Variants in SNAP47 observed in about 807,000 individuals in gnomAD.
SNAP47 encodes synaptosome associated protein 47.
A neutral mutation model predicts 31.4 loss-of-function variants in SNAP47; 20 were observed. The observed-to-expected ratio is 0.64, with a 90% CI of 0.45 to 0.93. The LOEUF (loss-of-function observed/expected upper bound fraction) is 0.93. Ranked by LOEUF, SNAP47 falls within the 40% of genes least tolerant of loss-of-function variation. The pLI is 0.00. For synonymous variants in SNAP47, 194 were observed against 213.4 expected (o/e 0.91, Z 0.79); for missense variants, 492 against 528.5 (o/e 0.93, Z 0.68).
intron 1 of SNAP47, 83 bp downstream of exon 1, chr1:227,735,582 C>G: frequency 7.5e-7 from 1 of 1,338,392 alleles, no homozygotes; most frequent in Non-Finnish European, 9.5e-7. Flanking sequence ...CGCGCTGTGG[C>G]TGACACAGCC....
chr1:227,770,750 T>G (rs1261932104), intron 4 of SNAP47: 1 of 153,804 alleles, frequency 6.5e-6, no homozygotes, highest in Non-Finnish European at 1.5e-5. Context: ...ATTCACAGAG[T>G]GTCTCCCTAG....
At chr1:227,734,683 G>A, upstream of SNAP47, 1 of 1,614,164 alleles carries the variant, frequency 6.2e-7, no homozygotes, top group Middle Eastern at 1.7e-4. Context: ...GGTAGAGACA[G>A]CCCCTGGGAG....
intron 4 of SNAP47, among the ~76,000 whole-genome samples, chr1:227,772,531 A>T (rs556891610): frequency 6.6e-6 from 1 of 152,116 alleles, no homozygotes; most frequent in African/African-American, 2.4e-5. Flanking sequence ...TTGGGCTGCT[A>T]TGGAGAATGC....
Position 227,747,716 on chromosome 1 carries a change from C to G in SNAP47, c.-21C>G, listed in dbSNP as rs58295986. On this transcript the variant is annotated 5_prime_UTR_variant, in exon 2 of 5. Transcript: ENST00000617596. The stretch of plus-strand genomic sequence containing the variant: ...GAGGCAGAAGAGGCCTGGACCTTGG[C>G]GCACACAGACCCAGGAACAGATGAG... 7.5e-6 allele frequency: 12 copies of G among 1,606,058 alleles called. No homozygotes were observed. The African/African-American group carries it at 1.5e-4, about 20-fold the overall frequency.
chr1:227,735,757 G>A (rs747933557), intron 1 of SNAP47: 43 of 970,088 alleles, frequency 4.4e-5, no homozygotes, highest in Admixed American at 6.1e-5. Flanking sequence ...GAGCTGGGGG[G>A]CCCTGGGATG....
chr1:227,750,169 G>A (rs781521153), intron 2 of SNAP47, among the ~76,000 whole-genome samples: 4 of 152,254 alleles, frequency 2.6e-5, no homozygotes, highest in Non-Finnish European at 4.4e-5. Context: ...GGCCGGAGCC[G>A]GAAGATGACA....
At chr1:227,776,517 G>A (rs1465874682) in intron 4 of SNAP47, 3 of 985,444 alleles carry the variant, frequency 3.0e-6, no homozygotes, top group Non-Finnish European at 2.4e-6. Context: ...TGGCTGCCTC[G>A]GAGCTGACAG....
chr1:227,733,395 A>G, upstream of SNAP47: 3 of 1,565,880 alleles, frequency 1.9e-6, no homozygotes, highest in Middle Eastern at 3.7e-4. Context: ...GATAGGGGGC[A>G]GGAGAAGCAG....
intron 2 of SNAP47, among the ~76,000 whole-genome samples, chr1:227,750,457 C>T (rs990426149): frequency 2.0e-5 from 3 of 152,276 alleles, no homozygotes; most frequent in Admixed American, 1.3e-4. Context: ...TAGTGCTTGA[C>T]GACTGGGCCT....
chr1:227,765,516 C>T (rs1023890492), intron 3 of SNAP47, among the ~76,000 whole-genome samples: 6 of 152,218 alleles, frequency 3.9e-5, no homozygotes, highest in African/African-American at 1.4e-4. Flanking sequence ...ATGGGTAATG[C>T]ACAAATTCAG....
rs1471803601 is a variant in SNAP47 at position 227,776,641 on chromosome 1, GCACACGATGCCATGTAATTA to G, written c.1114-3884_1114-3865del. On this transcript the variant is annotated intron_variant, in intron 4 of 4. Transcript: ENST00000617596. ...TCTTTCCATCCCTGTTATGTGGAAT[GCACACGATGCCATGTAATTA>G]CTTCAGTCCCTTCTCAAAGGAAAAA... 8.1e-6 allele frequency: 8 copies of G among 985,462 alleles called. No individual in the cohort carries two copies. In the East Asian group the frequency reaches 7.9e-4, roughly 98 times the overall value. The allele number at this position is 985,462 out of a possible 1,614,324, so 61.0% of individuals were successfully genotyped here. A position where few individuals can be genotyped will look rare whatever the true frequency, so the allele number is the denominator to read the frequency against.
rs550417512 is a variant in SNAP47, at chr1:227,741,019, A to G, written c.-46+5520A>G. Among the ~76,000 whole-genome samples the G allele has an allele frequency of 2.2e-5, 3 of 138,212 alleles. No homozygotes were observed. The East Asian group carries it at 6.3e-4, about 29-fold the overall frequency. 90.7% of individuals were successfully genotyped at this position (138,212 alleles called of 152,430 possible). ...CAGGGACAGATGCCCAGCGGGTGAT[A>G]GGGGAGGGCCTGTGAAGTTGGGTTG... On this transcript the variant is annotated intron_variant, in intron 1 of 4. Transcript: ENST00000617596. This position sits in a 1 kb window ranked among gnomAD's most constrained non-coding sequence, Gnocchi z 4.2.
rs946246198 is a variant in SNAP47, at chr1:227,747,777, A to G, written c.41A>G (p.Tyr14Cys). Residue 14 changes from tyrosine (Y) to cysteine (C), a missense_variant, in exon 2 of 5, where the codon TAC becomes TGC. By Grantham distance (194) the Tyr-to-Cys change is radical (BLOSUM62 -2). Transcript: ENST00000617596. ...DVCIHTWPCTYYLEPKRRWVT... is the reference protein window; with the variant it reads ...DVCIHTWPCTCYLEPKRRWVT... Reference sequence around the variant, plus strand: ...TGCATCCACACCTGGCCGTGCACCTACTACCTGGAGCCCAAGAGGCGATGG... The same window carrying G: ...TGCATCCACACCTGGCCGTGCACCTGCTACCTGGAGCCCAAGAGGCGATGG... 1.9e-6 allele frequency: 3 copies of G among 1,614,130 alleles called. No homozygotes were observed. Among genetic ancestry groups the G allele is most frequent in the African/African-American group, 1.3e-5 (1 of 75,016 alleles).
intron 1 of SNAP47, among the ~76,000 whole-genome samples, chr1:227,729,467 C>G (rs1170634054): frequency 6.6e-6 from 1 of 152,148 alleles, no homozygotes; most frequent in Non-Finnish European, 1.5e-5. Flanking sequence ...CAAAACCACC[C>G]ACAGTGGTGG....
chr1:227,733,679 G>T (rs778637248), upstream of SNAP47: 1 of 1,600,068 alleles, frequency 6.2e-7, no homozygotes, highest in African/African-American at 1.3e-5. Context: ...ATGGAACGGG[G>T]ACCTGCGGCA....
intron 4 of SNAP47, among the ~76,000 whole-genome samples, chr1:227,769,216 C>T (rs768181345): frequency 1.8e-4 from 28 of 152,078 alleles, no homozygotes; most frequent in Admixed American, 5.2e-4. Context: ...GGCTCAACAC[C>T]GGGAGGAACA....
At chr1:227,778,937 T>C (rs1342338249) in intron 4 of SNAP47, among the ~76,000 whole-genome samples, 3 of 152,204 alleles carry the variant, frequency 2.0e-5, no homozygotes, top group Non-Finnish European at 4.4e-5. Flanking sequence ...ATCTGTCTTA[T>C]GACAAATATC....
chr1:227,751,959 G>T (rs1662400893), intron 2 of SNAP47, among the ~76,000 whole-genome samples: 1 of 151,856 alleles, frequency 6.6e-6, no homozygotes, highest in South Asian at 2.1e-4. Flanking sequence ...TAGAGATGGG[G>T]TTTCACCGTG....
At chr1:227,744,776 C>T (rs1187718004) in intron 1 of SNAP47, among the ~76,000 whole-genome samples, 2 of 152,222 alleles carry the variant, frequency 1.3e-5, no homozygotes, top group Non-Finnish European at 2.9e-5. Flanking sequence ...CAAGCTAGTG[C>T]TTGTGGGTGC....
Sources: gnomAD v4.1 joint callset for allele counts (sites outside exome capture counted in the v4.1 genomes callset) on GRCh38, gnomAD v4.1.1 for gene constraint, Gnocchi (gnomAD v3.1) non-coding constraint, MANE v1.5 for transcripts, NCBI Gene and HGNC (gene_info 2026-07-23, HGNC 2026-07-21) for gene names.